Variants in BBS9 observed in about 807,000 individuals in gnomAD.
BBS9 encodes the protein protein PTHB1.
BBS9 carries 89 observed loss-of-function variants against 117.7 expected under a neutral mutation model. The observed-to-expected ratio is 0.76, with a 90% CI of 0.64 to 0.90. The LOEUF (loss-of-function observed/expected upper bound fraction) is 0.90, where lower values mean the gene tolerates loss of function less well. BBS9 is among the 40% of genes least tolerant of loss of function. The pLI is 0.00. For missense variants in BBS9, 982 were observed against 1,042.2 expected, an observed-to-expected ratio of 0.94 and a Z score of 0.80; for synonymous variants, 379 against 370.9, an observed-to-expected ratio of 1.02 and a Z score of -0.25.
At chr7:33,197,367 A>C (rs556619949) in intron 5 of BBS9, among the ~76,000 whole-genome samples, 1 of 152,220 alleles carries the variant, frequency 6.6e-6, no homozygotes, top group Admixed American at 6.5e-5. Context: ...ACACTGCAAT[A>C]TAAAGGCTTC....
chr7:33,557,583 G>A (rs1183575995), intron 21 of BBS9, among the ~76,000 whole-genome samples: 9 of 152,154 alleles, frequency 5.9e-5, no homozygotes, highest in Non-Finnish European at 1.3e-4. Flanking sequence ...ACAATGGACT[G>A]GTGGACCATG....
At chr7:33,278,505 A>G (rs1801203329) in intron 9 of BBS9, among the ~76,000 whole-genome samples, 1 of 152,140 alleles carries the variant, frequency 6.6e-6, no homozygotes, top group Non-Finnish European at 1.5e-5. Flanking sequence ...ATATCATCCC[A>G]TATTTTTTTA....
intron 5 of BBS9, among the ~76,000 whole-genome samples, chr7:33,209,146 TTTAA>T (rs1787539432): frequency 6.6e-6 from 1 of 152,146 alleles, no homozygotes; most frequent in South Asian, 2.1e-4. Context: ...TCTCCGTGAG[TTTAA>T]TTGTTTTAAT....
At chr7:33,562,294 G>T (rs7795476) in intron 21 of BBS9, among the ~76,000 whole-genome samples, 148 of 152,252 alleles carry the variant, frequency 9.7e-4, no homozygotes, top group African/African-American at 3.2e-3. Flanking sequence ...AACATATATG[G>T]TAATAATCAC....
chr7:33,246,931 G>A (rs1384874861), intron 5 of BBS9, among the ~76,000 whole-genome samples: 2 of 152,118 alleles, frequency 1.3e-5, no homozygotes, highest in Non-Finnish European at 2.9e-5. Flanking sequence ...TTGCTATTTT[G>A]AGGAAAGTTA....
intron 19 of BBS9, among the ~76,000 whole-genome samples, chr7:33,443,029 CATT>C (rs765441586): frequency 6.6e-6 from 1 of 152,140 alleles, no homozygotes; most frequent in Non-Finnish European, 1.5e-5. Context: ...GAATCGGTCT[CATT>C]ATTGTACTGT....
intron 9 of BBS9, among the ~76,000 whole-genome samples, chr7:33,296,731 T>C (rs1805348070): frequency 6.6e-6 from 1 of 152,148 alleles, no homozygotes; most frequent in Non-Finnish European, 1.5e-5. Context: ...ATAAACACTC[T>C]TGGTATGTGA....
At chr7:33,401,190 G>A (rs1828858464) in intron 19 of BBS9, among the ~76,000 whole-genome samples, 1 of 152,100 alleles carries the variant, frequency 6.6e-6, no homozygotes, top group African/African-American at 2.4e-5. Context: ...TTCTTTTTCA[G>A]TTGATTCCCA....
At chr7:33,473,702 T>C (rs1841412184) in intron 19 of BBS9, among the ~76,000 whole-genome samples, 1 of 152,200 alleles carries the variant, frequency 6.6e-6, no homozygotes, top group South Asian at 2.1e-4. Context: ...ACAGTTTCCA[T>C]AATATTTTCA....
intron 4 of BBS9, among the ~76,000 whole-genome samples, chr7:33,156,214 G>A (rs942556095): frequency 1.3e-5 from 2 of 151,832 alleles, no homozygotes; most frequent in Non-Finnish European, 2.9e-5. Flanking sequence ...TATAGTGTGC[G>A]GTTTGGTTTT....
chr7:33,569,738 G>A (rs983419715), intron 21 of BBS9, among the ~76,000 whole-genome samples: 1 of 152,062 alleles, frequency 6.6e-6, no homozygotes, highest in African/African-American at 2.4e-5. Context: ...CTCCAGCCTG[G>A]GTGACAGAGC....
intron 19 of BBS9, among the ~76,000 whole-genome samples, chr7:33,444,373 A>G (rs896108056): frequency 6.6e-6 from 1 of 152,236 alleles, no homozygotes. Flanking sequence ...GTTATTTTAC[A>G]TGATATAGAT....
chr7:33,401,165 GC>G (rs1828854278), intron 19 of BBS9, among the ~76,000 whole-genome samples: 1 of 152,138 alleles, frequency 6.6e-6, no homozygotes, highest in Non-Finnish European at 1.5e-5. Context: ...CTGGCTTCTA[GC>G]CCATCACTTA....
intron 20 of BBS9, among the ~76,000 whole-genome samples, chr7:33,522,296 G>C (rs1848743770): frequency 6.6e-6 from 1 of 151,962 alleles, no homozygotes; most frequent in African/African-American, 2.4e-5. Flanking sequence ...GGTATTTCTA[G>C]TTCTAGATCC....
chr7:33,247,054 A>G (rs1425620697), intron 5 of BBS9, among the ~76,000 whole-genome samples: 1 of 151,438 alleles, frequency 6.6e-6, no homozygotes, highest in Non-Finnish European at 1.5e-5. Context: ...TTGGCAAAAA[A>G]GATGAATTTC....
intron 9 of BBS9, among the ~76,000 whole-genome samples, chr7:33,294,359 GTCCA>G (rs111245225): frequency 0.12 from 16,189 of 139,692 alleles, 971 homozygotes; most frequent in South Asian, 0.16. Flanking sequence ...CTATCTCTTT[GTCCA>G]TCCATCCATC....
At chr7:33,358,770 G>T (rs910105388) in intron 16 of BBS9, among the ~76,000 whole-genome samples, 10 of 151,820 alleles carry the variant, frequency 6.6e-5, no homozygotes, top group South Asian at 2.1e-4. Flanking sequence ...AATCAGCACT[G>T]TTGGCTAGGA....
intron 21 of BBS9, among the ~76,000 whole-genome samples, chr7:33,568,873 G>T (rs1269827508): frequency 6.6e-6 from 1 of 152,118 alleles, no homozygotes; most frequent in Non-Finnish European, 1.5e-5. Flanking sequence ...TAAAGAGATT[G>T]GTTACCTATA....
intron 19 of BBS9, among the ~76,000 whole-genome samples, chr7:33,414,276 A>ACT (rs1324506842): frequency 6.6e-6 from 1 of 152,204 alleles, no homozygotes; most frequent in East Asian, 1.9e-4. Flanking sequence ...ACAATGATTG[A>ACT]CTTTTGATTA....
Sources: gnomAD v4.1 joint callset for allele counts (sites outside exome capture counted in the v4.1 genomes callset) on GRCh38, gnomAD v4.1.1 for gene constraint, MANE v1.5 for transcripts, NCBI Gene and HGNC (gene_info 2026-07-23, HGNC 2026-07-21) for gene names.